The following IFNG variants were observed in gnomAD, a reference collection of about 807,000 sequenced individuals.
The protein encoded by IFNG is interferon gamma.
IFNG carries 8 observed loss-of-function variants against 14.4 expected under a neutral mutation model. That is an observed-to-expected ratio of 0.56 (90% confidence interval 0.33 to 1.00). The LOEUF is 1.00. Among genes scored for constraint, IFNG ranks in the 50% least tolerant of loss-of-function variants. The probability of loss-of-function intolerance (pLI) is 0.03; values close to 1 mark genes in which losing one functional copy is unlikely to be tolerated. For synonymous variants in IFNG, 73 were observed against 65.4 expected (o/e 1.12, Z -0.56); for missense variants, 132 against 194.9 (o/e 0.68, Z 1.92).
chr12:68,156,622 A>G (rs1350505439), intron 3 of IFNG, among the ~76,000 whole-genome samples: 4 of 152,192 alleles, frequency 2.6e-5, no homozygotes, highest in Non-Finnish European at 5.9e-5. Flanking sequence ...AGAAGGAAGA[A>G]ACCACAGATT....
rs767117784 is a variant in IFNG at position 68,158,270 on chromosome 12, AAAAAG to A, written c.115-16_115-12del. The A allele has an allele frequency of 6.1e-5, 96 of 1,578,302 alleles. No homozygotes were observed. Among genetic ancestry groups the A allele is most frequent in the Non-Finnish European group, 3.4e-6 (4 of 1,168,238 alleles). The stretch of plus-strand genomic sequence containing the variant: ...TGAATGACCTGCATTCTAAAAAAAA[AAAAAG>A]AAAAAATTGGTTTACAATTAGCCCA... On this transcript the variant is annotated splice_polypyrimidine_tract_variant and intron_variant, in intron 1 of 3. Transcript: ENST00000229135.
In IFNG at chr12:68,157,905, A is replaced by T. The variant is rs1404740863; in HGVS notation, c.366+8T>A. The T allele has an allele frequency of 6.3e-7, 1 of 1,577,074 alleles. No individual in the cohort carries two copies. Among genetic ancestry groups the T allele is most frequent in the African/African-American group, 1.4e-5 (1 of 73,326 alleles). On this transcript the variant is annotated splice_region_variant and intron_variant, in intron 3 of 3. Coordinates refer to ENST00000229135, the MANE Select transcript of IFNG (RefSeq NM_000619.3). ...ATGAAACCAAAGAAAGAATTTAAAT[A>T]GCCTCACCGAATAATTAGTCAGCTT...
intron 3 of IFNG, among the ~76,000 whole-genome samples, 158 bp downstream of exon 3, chr12:68,157,755 C>A (rs1157251569): frequency 6.6e-6 from 1 of 152,182 alleles, no homozygotes; most frequent in Non-Finnish European, 1.5e-5. Context: ...TTTGCAAAGT[C>A]ACCCAAACAC....
chr12:68,158,003 A>G lies in IFNG; in HGVS notation c.276T>C (p.Ser92=). 1 of 1,611,092 alleles carries G rather than the reference A, an allele frequency of 6.2e-7. No individual in the cohort carries two copies. Among genetic ancestry groups the G allele is most frequent in the Non-Finnish European group, 8.5e-7 (1 of 1,178,026 alleles). Reference sequence around the variant, plus strand: ...TCATGTCTTCCTTGATGGTCTCCACACTCTTTTGGATGCTCTGGTCATCTT... The same window carrying G: ...TCATGTCTTCCTTGATGGTCTCCACGCTCTTTTGGATGCTCTGGTCATCTT... ...NFKDDQSIQK[S]VETIKEDMNV... Residue 92 remains serine, a synonymous_variant, in exon 3 of 4, where the codon AGT becomes AGC. Transcript: ENST00000229135.
intron 3 of IFNG, among the ~76,000 whole-genome samples, chr12:68,157,617 C>T (rs1483313460): frequency 6.6e-6 from 1 of 152,206 alleles, no homozygotes; most frequent in Non-Finnish European, 1.5e-5. Context: ...AGAACTGCTT[C>T]TCAGTACTCC....
At chr12:68,159,063 G>A (rs1023462629) in intron 1 of IFNG, among the ~76,000 whole-genome samples, 9 of 152,014 alleles carry the variant, frequency 5.9e-5, no homozygotes, top group African/African-American at 2.2e-4. Context: ...ATTTTTTTAA[G>A]CCAAAGCTTT....
In IFNG at chr12:68,159,725, A is replaced by T. The variant is rs1246664484; in HGVS notation, c.-110T>A. ...TTCTCTTCTAATAGCTGATCTTCAG[A>T]TGATCAGAACAATGTGCTGCACCTC... On this transcript the variant is annotated 5_prime_UTR_variant, in exon 1 of 4. Coordinates refer to ENST00000229135, the MANE Select transcript of IFNG (RefSeq NM_000619.3). 3 of 599,368 alleles carry T rather than the reference A, an allele frequency of 5.0e-6. No individual in the cohort carries two copies. In the Admixed American group the frequency reaches 8.0e-5, roughly 16 times the overall value. The allele number at this position is 599,368 out of a possible 1,614,324, so 37.1% of individuals were successfully genotyped here.
rs900627159 is a variant in IFNG at position 68,156,425 on chromosome 12, T to C, written c.367-938A>G. On this transcript the variant is annotated intron_variant, in intron 3 of 3. Coordinates refer to ENST00000229135, the MANE Select transcript of IFNG (RefSeq NM_000619.3). ...TCCTCTTGGCTCTGCCATTACATTT[T>C]TTCTAATCTTGGGAACACTATGGCT... Among the ~76,000 whole-genome samples, 29 of 122,616 alleles carry C rather than the reference T, an allele frequency of 2.4e-4. 1 individual carries two copies. The highest frequency in any genetic ancestry group is 4.9e-5 in the Non-Finnish European group (3 of 61,028). The allele number at this position is 122,616 out of a possible 152,430, so 80.4% of individuals were successfully genotyped here. A position where few individuals can be genotyped will look rare whatever the true frequency, so the allele number is the denominator to read the frequency against.
At chr12:68,158,436 C>T (rs138675254) in intron 1 of IFNG, among the ~76,000 whole-genome samples, 177 bp from the exon 2 acceptor site, 130 of 152,218 alleles carry the variant, frequency 8.5e-4, no homozygotes, top group African/African-American at 3.0e-3. Flanking sequence ...TAGACAAAGA[C>T]TATTATGTTC....
intron 1 of IFNG, among the ~76,000 whole-genome samples, chr12:68,158,714 A>AGT (rs34079299): frequency 0.057 from 8,451 of 148,750 alleles, 253 homozygotes; most frequent in Middle Eastern, 0.12. Context: ...AACATGTGCG[A>AGT]GTGTGTGTGT....
In IFNG at chr12:68,159,711, T is replaced by C. The variant is rs990785080; in HGVS notation, c.-96A>G. 1.5e-5 allele frequency: 9 copies of C among 614,082 alleles called. No individual in the cohort carries two copies. The African/African-American group carries it at 1.5e-4, about 10-fold the overall frequency. 38.0% of individuals were successfully genotyped at this position (614,082 alleles called of 1,614,324 possible). Reference sequence around the variant, plus strand: ...GACTTAACTGATCTTTCTCTTCTAATAGCTGATCTTCAGATGATCAGAACA... The same window carrying C: ...GACTTAACTGATCTTTCTCTTCTAACAGCTGATCTTCAGATGATCAGAACA... On this transcript the variant is annotated 5_prime_UTR_variant, in exon 1 of 4. Coordinates refer to ENST00000229135, the MANE Select transcript of IFNG (RefSeq NM_000619.3).
At chr12:68,157,171 G>A (rs868724188) in intron 3 of IFNG, among the ~76,000 whole-genome samples, 52 of 152,338 alleles carry the variant, frequency 3.4e-4, no homozygotes, top group African/African-American at 1.2e-3. Context: ...AAAGTTGATA[G>A]AGAGTTGATA....
intron 3 of IFNG, 138 bp downstream of exon 3, chr12:68,157,775 T>G: frequency 1.6e-6 from 1 of 615,382 alleles, no homozygotes. Flanking sequence ...CGAATGGAAA[T>G]AGTAAGGTAG....
chr12:68,157,684 C>T (rs1413242412), intron 3 of IFNG, among the ~76,000 whole-genome samples: 10 of 152,192 alleles, frequency 6.6e-5, no homozygotes, highest in East Asian at 1.9e-4. Flanking sequence ...CCTGTCTTTA[C>T]GCAATAGTTA....
intron 3 of IFNG, among the ~76,000 whole-genome samples, chr12:68,155,976 T>C (rs1483331881): frequency 6.6e-6 from 1 of 152,170 alleles, no homozygotes; most frequent in Non-Finnish European, 1.5e-5. Context: ...TTCTCACTGT[T>C]GTGCATAGCA....
At chr12:68,156,509 G>A (rs1882603722) in intron 3 of IFNG, among the ~76,000 whole-genome samples, 1 of 152,078 alleles carries the variant, frequency 6.6e-6, no homozygotes, top group Non-Finnish European at 1.5e-5. Flanking sequence ...TTGTCAAAGG[G>A]CATAACATGC....
intron 3 of IFNG, among the ~76,000 whole-genome samples, chr12:68,157,663 T>A (rs1226489720): frequency 6.6e-6 from 1 of 152,220 alleles, no homozygotes; most frequent in Non-Finnish European, 1.5e-5. Flanking sequence ...TTCACTGGAT[T>A]TGTCAACTCA....
At chr12:68,158,292 A>AT (rs1181637376) in intron 1 of IFNG, 33 bp from the exon 2 acceptor site, 5 of 1,472,928 alleles carry the variant, frequency 3.4e-6, no homozygotes, top group Non-Finnish European at 4.6e-6. Flanking sequence ...TTGGTTTACA[A>AT]TTAGCCCATA....
Position 68,159,659 on chromosome 12 carries a change from C to T in IFNG, c.-44G>A, listed in dbSNP as rs1882657512. 1 of 1,022,126 alleles carries T rather than the reference C, an allele frequency of 9.8e-7. No homozygotes were observed. Among genetic ancestry groups the T allele is most frequent in the East Asian group, 2.5e-5 (1 of 40,124 alleles). The allele number at this position is 1,022,126 out of a possible 1,614,324, so 63.3% of individuals were successfully genotyped here. The stretch of plus-strand genomic sequence containing the variant: ...GCCAAAGAAGTTGAAATCAGTAGTT[C>T]TTGTATCAAGCTGATCAGGTCCAAA... On this transcript the variant is annotated 5_prime_UTR_variant, in exon 1 of 4. Coordinates refer to ENST00000229135, the MANE Select transcript of IFNG (RefSeq NM_000619.3).
Sources: gnomAD v4.1 joint callset for allele counts (sites outside exome capture counted in the v4.1 genomes callset) on GRCh38, gnomAD v4.1.1 for gene constraint, MANE v1.5 for transcripts, NCBI Gene and HGNC (gene_info 2026-07-23, HGNC 2026-07-21) for gene names.